Variants in TTC16 observed in about 807,000 individuals in gnomAD.
TTC16 encodes the protein tetratricopeptide repeat domain 16.
In TTC16, 66 loss-of-function variants were observed where a neutral mutation model predicts 80.4. The ratio of observed to expected loss-of-function variants is 0.82; its 90% CI spans 0.67 to 1.01. The LOEUF (loss-of-function observed/expected upper bound fraction) is 1.01. TTC16 is among the 50% of genes least tolerant of loss of function. The pLI, the probability that TTC16 is intolerant of heterozygous loss-of-function variation, is 0.00. For missense variants in TTC16, 1,070 were observed against 1,103.2 expected (o/e 0.97, Z 0.43); for synonymous variants, 438 against 451.3 (o/e 0.97, Z 0.37).
At chr9:127,724,922 T>C in intron 9 of TTC16, 25 bp downstream of exon 9, 1 of 1,484,092 alleles carries the variant, frequency 6.7e-7, no homozygotes, top group Non-Finnish European at 8.9e-7. Flanking sequence ...GCCCCCACGG[T>C]GGGCGGGGCA....
At position 127,716,192 on chromosome 9, in the gene TTC16, A is replaced by T. The variant is rs752693697; in HGVS notation, c.18+29A>T. The T allele has an allele frequency of 7.4e-6, 12 of 1,613,836 alleles. No individual in the cohort carries two copies. The East Asian group carries it at 2.7e-4, about 36-fold the overall frequency. On this transcript the variant is annotated intron_variant, in intron 1 of 13. Transcript: ENST00000373289. ...CGGGCTTGGGAGAAGACTAACGCAA[A>T]GGCAGAGGGCCAGGCAGAGAGACCG...
chr9:127,719,924 C>G (rs1843318393), intron 4 of TTC16, among the ~76,000 whole-genome samples, 154 bp from the exon 5 acceptor site: 1 of 152,238 alleles, frequency 6.6e-6, no homozygotes, highest in South Asian at 2.1e-4. Flanking sequence ...CCATCTCTGT[C>G]TGTGTCTCTG....
intron 6 of TTC16, among the ~76,000 whole-genome samples, chr9:127,721,367 C>T (rs1047554354): frequency 6.6e-6 from 1 of 152,000 alleles, no homozygotes; most frequent in Non-Finnish European, 1.5e-5. Flanking sequence ...ATTCCCACAG[C>T]CCTTCAGAAG....
intron 4 of TTC16, among the ~76,000 whole-genome samples, chr9:127,719,012 A>G (rs1843254939): frequency 6.6e-6 from 1 of 151,220 alleles, no homozygotes; most frequent in Admixed American, 6.6e-5. Context: ...GGAGTTTGAG[A>G]CCAGCCTGGC....
At chr9:127,719,278 C>G (rs570911938) in intron 4 of TTC16, among the ~76,000 whole-genome samples, 1 of 152,028 alleles carries the variant, frequency 6.6e-6, no homozygotes, top group Non-Finnish European at 1.5e-5. Flanking sequence ...GTGAATCTGT[C>G]TGTTGGGGGC....
intron 8 of TTC16, 85 bp downstream of exon 8, chr9:127,724,449 T>TG: frequency 3.9e-6 from 6 of 1,523,842 alleles, no homozygotes; most frequent in Non-Finnish European, 5.3e-6. Flanking sequence ...TTGAGGCCCC[T>TG]GGGGGGAAGG....
chr9:127,716,234 A>C, intron 1 of TTC16, 71 bp downstream of exon 1: 10 of 1,610,160 alleles, frequency 6.2e-6, no homozygotes, highest in Non-Finnish European at 8.5e-6. Context: ...GGTTCGCAGG[A>C]AAGGGTGAAG....
At chr9:127,719,994 C>T in intron 4 of TTC16, 84 bp from the exon 5 acceptor site, 1 of 1,201,148 alleles carries the variant, frequency 8.3e-7, no homozygotes, top group Admixed American at 1.7e-5. Flanking sequence ...TCTCTCCCTC[C>T]TGCCTCAGGG....
chr9:127,731,572 A>C lies in TTC16; in HGVS notation c.*167A>C. On this transcript the variant is annotated 3_prime_UTR_variant, in exon 14 of 14. Coordinates refer to ENST00000373289, the MANE Select transcript of TTC16 (RefSeq NM_144965.3). ...TATACTTGTTTTCTTTTACAAAATT[A>C]AAAACATCTAAAACCAGGCCCAAGT... is the stretch of plus-strand genomic sequence containing the variant. 7.2e-7 allele frequency: 1 copy of C among 1,394,718 alleles called. No individual in the cohort carries two copies. Among genetic ancestry groups the C allele is most frequent in the Non-Finnish European group, 9.4e-7 (1 of 1,067,800 alleles). 86.4% of individuals were successfully genotyped at this position (1,394,718 alleles called of 1,614,324 possible).
chr9:127,717,098 T>C, intron 2 of TTC16, 82 bp downstream of exon 2: 2 of 1,543,250 alleles, frequency 1.3e-6, no homozygotes, highest in Non-Finnish European at 1.8e-6. Flanking sequence ...AGCCACTTAC[T>C]CTCTTCAGGC....
intron 13 of TTC16, chr9:127,730,371 A>G: frequency 1.9e-6 from 1 of 524,464 alleles, no homozygotes; most frequent in Non-Finnish European, 3.4e-6. Context: ...CTGCTGCAAC[A>G]GGAGCACAGA....
At chr9:127,719,817 C>T (rs1329437865) in intron 4 of TTC16, among the ~76,000 whole-genome samples, 1 of 152,198 alleles carries the variant, frequency 6.6e-6, no homozygotes. Flanking sequence ...GAGTTTTCTA[C>T]ATTTCTCTTT....
chr9:127,726,033 G>A (rs536252818), intron 9 of TTC16, among the ~76,000 whole-genome samples: 2 of 152,172 alleles, frequency 1.3e-5, no homozygotes, highest in Non-Finnish European at 2.9e-5. Context: ...AGATCATAAA[G>A]ATATTCATTG....
In TTC16 at chr9:127,724,132, C is replaced by A; in HGVS notation, c.885C>A (p.Tyr295Ter). 6.2e-7 allele frequency: 1 copy of A among 1,611,028 alleles called. No homozygotes were observed. The highest frequency in any genetic ancestry group is 8.5e-7 in the Non-Finnish European group (1 of 1,178,844). Residue 295 changes from tyrosine (Y) to a stop codon, truncating the protein, a stop_gained, in exon 8 of 14, where the codon TAC becomes TAA. Transcript: ENST00000373289. LOFTEE classifies it high-confidence loss of function. ...PSLFLFRGTM[Y>*]RRLQEFDGAV... ...CCCCCCCCGACAGGGGCACCATGTA[C>A]CGACGGCTCCAGGAGTTCGATGGGG... is the stretch of plus-strand genomic sequence containing the variant.
Position 127,726,973 on chromosome 9 carries a change from T to C in TTC16, c.1429T>C (p.Ser477Pro), listed in dbSNP as rs1260657479. Residue 477 changes from serine to proline, a missense_variant, in exon 11 of 14, where the codon TCC becomes CCC. By Grantham distance (74) the Ser-to-Pro change is moderately conservative. Transcript: ENST00000373289. ...LLLNPKQPKL[S>P]LLMTNLFPGM... ...TGGTCACCCCCTTTCGTGGCAGCTG[T>C]CCCTGCTGATGACCAACCTCTTCCC... The C allele has an allele frequency of 6.2e-7, 1 of 1,613,180 alleles. No individual in the cohort carries two copies. Among genetic ancestry groups the C allele is most frequent in the Non-Finnish European group, 8.5e-7 (1 of 1,179,988 alleles).
At chr9:127,724,058 A>C in intron 7 of TTC16, 62 bp from the exon 8 acceptor site, 1 of 1,470,966 alleles carries the variant, frequency 6.8e-7, no homozygotes, top group Non-Finnish European at 9.0e-7. Context: ...GCCACTAGCC[A>C]GTCGGTGGGG....
chr9:127,716,601 G>A (rs1230732495), intron 1 of TTC16: 1 of 580,988 alleles, frequency 1.7e-6, no homozygotes, highest in East Asian at 2.9e-5. Flanking sequence ...GGTGTTGTAA[G>A]CATGAGGACC....
At chr9:127,730,573 T>G in intron 13 of TTC16, 63 bp from the exon 14 acceptor site, 1 of 1,563,030 alleles carries the variant, frequency 6.4e-7, no homozygotes. Context: ...AAGCCCCTTT[T>G]CCCAGAGCTG....
intron 11 of TTC16, 28 bp from the exon 12 acceptor site, chr9:127,727,242 A>G: frequency 6.5e-7 from 1 of 1,537,726 alleles, no homozygotes; most frequent in Non-Finnish European, 8.8e-7. Context: ...AGGGAGACTG[A>G]CAATACCTGG....
Sources: gnomAD v4.1 joint callset for allele counts (sites outside exome capture counted in the v4.1 genomes callset) on GRCh38, gnomAD v4.1.1 for gene constraint, MANE v1.5 for transcripts, NCBI Gene and HGNC (gene_info 2026-07-23, HGNC 2026-07-21) for gene names.